The following JMJD1C variants were observed in gnomAD, a reference collection of about 807,000 sequenced individuals.
The protein encoded by JMJD1C is jumonji domain-containing protein 1C.
In JMJD1C, 31 loss-of-function variants were observed where a neutral mutation model predicts 245.3. That is an observed-to-expected ratio of 0.13 (90% CI 0.09 to 0.17). JMJD1C has a LOEUF of 0.17. Ranked by LOEUF, JMJD1C falls within the 10% of genes least tolerant of loss-of-function variation. The pLI is 1.00. For missense variants in JMJD1C, 2,691 were observed against 3,000.2 expected, an observed-to-expected ratio of 0.90 and a Z score of 2.41; for synonymous variants, 1,057 against 1,017.4, an observed-to-expected ratio of 1.04 and a Z score of -0.74.
intron 1 of JMJD1C, among the ~76,000 whole-genome samples, chr10:63,391,507 C>A (rs1289596884): frequency 1.0e-5 from 1 of 100,322 alleles, no homozygotes; most frequent in African/African-American, 3.2e-5. Flanking sequence ...GAGACTCCGT[C>A]TCAACAACAA....
chr10:63,369,129 CCTGTTTTCTTT>C (rs1946092134), intron 2 of JMJD1C, among the ~76,000 whole-genome samples: 1 of 151,402 alleles, frequency 6.6e-6, no homozygotes, highest in African/African-American at 2.4e-5. Flanking sequence ...TCCTTTTCTT[CCTGTTTTCTTT>C]CTCTTTCTCT....
intron 1 of JMJD1C, among the ~76,000 whole-genome samples, chr10:63,501,543 C>G (rs997118876): frequency 6.6e-6 from 1 of 152,046 alleles, no homozygotes; most frequent in African/African-American, 2.4e-5. Flanking sequence ...TTTGGGAGGC[C>G]GAGGAGGGTG....
chr10:63,372,202 G>T (rs1459194479), intron 2 of JMJD1C, among the ~76,000 whole-genome samples: 1 of 152,146 alleles, frequency 6.6e-6, no homozygotes, highest in African/African-American at 2.4e-5. Context: ...AAGAGTTTAC[G>T]TGTTTATGAT....
At chr10:63,433,173 C>A (rs1178931918) in intron 1 of JMJD1C, among the ~76,000 whole-genome samples, 4 of 151,734 alleles carry the variant, frequency 2.6e-5, no homozygotes, top group African/African-American at 9.7e-5. Flanking sequence ...CTCACCACAA[C>A]CTCTGCCTCC....
chr10:63,335,577 T>C (rs1942639175), intron 2 of JMJD1C, among the ~76,000 whole-genome samples: 1 of 152,148 alleles, frequency 6.6e-6, no homozygotes. Flanking sequence ...AGTGGCACAA[T>C]CCCGGCTCAC....
intron 2 of JMJD1C, among the ~76,000 whole-genome samples, chr10:63,319,219 T>C (rs534227660): frequency 3.8e-4 from 51 of 135,980 alleles, no homozygotes; most frequent in African/African-American, 1.4e-3. Context: ...ACTGCGCCAC[T>C]GCACTCCAGC....
At chr10:63,336,380 C>T (rs1043397369) in intron 2 of JMJD1C, among the ~76,000 whole-genome samples, 4 of 152,076 alleles carry the variant, frequency 2.6e-5, no homozygotes, top group Admixed American at 6.6e-5. Flanking sequence ...ACTGCTTGAA[C>T]CCAGGAGGCA....
intron 3 of JMJD1C, among the ~76,000 whole-genome samples, chr10:63,236,144 A>G (rs574419761): frequency 6.6e-6 from 1 of 152,214 alleles, no homozygotes; most frequent in African/African-American, 2.4e-5. Flanking sequence ...CGGTTACAGC[A>G]ATATTACATT....
chr10:63,202,767 G>T, intron 10 of JMJD1C: 1 of 985,334 alleles, frequency 1.0e-6, no homozygotes, highest in Non-Finnish European at 1.2e-6. Context: ...GTGCAAAAGA[G>T]ATTTTTCCTA....
intron 1 of JMJD1C, among the ~76,000 whole-genome samples, chr10:63,448,190 T>C (rs1951824356): frequency 6.6e-6 from 1 of 152,178 alleles, no homozygotes; most frequent in Admixed American, 6.5e-5. Flanking sequence ...GGAGTCTTGC[T>C]CTGTCACCTA....
chr10:63,235,277 C>T (rs1212968308), intron 3 of JMJD1C, among the ~76,000 whole-genome samples: 1 of 152,090 alleles, frequency 6.6e-6, no homozygotes, highest in South Asian at 2.1e-4. Context: ...AGGTGGATCG[C>T]CTGAGGTCAC....
At chr10:63,414,885 C>T (rs1052532517) in intron 1 of JMJD1C, among the ~76,000 whole-genome samples, 3 of 144,840 alleles carry the variant, frequency 2.1e-5, no homozygotes, top group South Asian at 4.3e-4. Flanking sequence ...CCAGCCTGGG[C>T]GATACAGCAA....
chr10:63,353,823 A>G (rs1485410640), intron 2 of JMJD1C, among the ~76,000 whole-genome samples: 1 of 150,838 alleles, frequency 6.6e-6, no homozygotes, highest in Non-Finnish European at 1.5e-5. Flanking sequence ...TCCTTGTTTA[A>G]ATTTATTACT....
chr10:63,336,615 T>C (rs1037041496), intron 2 of JMJD1C, among the ~76,000 whole-genome samples: 1 of 152,130 alleles, frequency 6.6e-6, no homozygotes. Context: ...AGATAGTTAA[T>C]CTAAAAAACA....
At chr10:63,418,349 A>T (rs1949917218) in intron 1 of JMJD1C, among the ~76,000 whole-genome samples, 1 of 152,250 alleles carries the variant, frequency 6.6e-6, no homozygotes, top group South Asian at 2.1e-4. Flanking sequence ...TCTATCCTGC[A>T]TACAGTTTTG....
chr10:63,465,659 C>T lies in JMJD1C; in HGVS notation c.4G>A (p.Ala2Thr), dbSNP rs373355754. MAVETRAELVGK... is the reference protein window; with the variant it reads MTVETRAELVGK... ...ACCAGCTCTGCCCGCGTCTCTACCG[C>T]CATAGCTGTCGCTGCCGAAGCGGCC... Residue 2 changes from alanine (A) to threonine (T), a missense_variant, in exon 1 of 26, where the codon GCG (alanine) becomes ACG (threonine). Around this residue, in one of 9 missense-constraint regions of JMJD1C, gnomAD observed 135 missense variants for 115.5 expected, o/e 1.17. Transcript: ENST00000399262. The T allele has an allele frequency of 5.0e-6, 8 of 1,608,594 alleles. No individual in the cohort carries two copies. In the African/African-American group the frequency reaches 9.3e-5, roughly 19 times the overall value.
chr10:63,494,756 G>C (rs1219314338), intron 1 of JMJD1C, among the ~76,000 whole-genome samples: 2 of 152,180 alleles, frequency 1.3e-5, no homozygotes, highest in African/African-American at 2.4e-5. Flanking sequence ...AAAACCTAAA[G>C]AGAAGCAAAA....
At chr10:63,465,455 CG>C in intron 1 of JMJD1C, 39 bp downstream of exon 1, 1 of 1,538,190 alleles carries the variant, frequency 6.5e-7, no homozygotes. Context: ...GAGCCGGGTG[CG>C]GGCGCGGCAG....
intron 22 of JMJD1C, 34 bp from the exon 23 acceptor site, chr10:63,177,890 C>T (rs753252495): frequency 5.0e-5 from 80 of 1,603,284 alleles, no homozygotes; most frequent in Non-Finnish European, 6.3e-5. Context: ...AAATTGTCGG[C>T]AAAGAATACC....
Sources: allele counts gnomAD v4.1 joint callset (sites outside exome capture counted in the v4.1 genomes callset), GRCh38; gene constraint gnomAD v4.1.1; regional missense constraint gnomAD v4.1.1; transcripts MANE v1.5; gene names NCBI Gene and HGNC (gene_info 2026-07-23, HGNC 2026-07-21).